Variants in DDAH1 observed in about 807,000 individuals in gnomAD.
DDAH1 encodes dimethylarginine dimethylaminohydrolase 1, also known as N(G),N(G)-dimethylarginine dimethylaminohydrolase 1.
In DDAH1, 19 loss-of-function variants were observed where a neutral mutation model predicts 28.8. That is an observed-to-expected ratio of 0.66 (90% confidence interval 0.46 to 0.97). The LOEUF is 0.97. Among genes scored for constraint, DDAH1 ranks in the 50% least tolerant of loss-of-function variants. The pLI is 0.00. For synonymous variants in DDAH1, 153 were observed against 154.4 expected (o/e 0.99, Z 0.07); for missense variants, 326 against 375.9 (o/e 0.87, Z 1.10).
intron 1 of DDAH1, among the ~76,000 whole-genome samples, chr1:85,414,202 C>T (rs1023480175): frequency 4.6e-5 from 7 of 151,466 alleles, no homozygotes; most frequent in African/African-American, 1.5e-4. Flanking sequence ...AGGGCTATAG[C>T]TCACAACAAA....
chr1:85,448,068 T>A (rs957474562), intron 1 of DDAH1: 1 of 152,294 alleles, frequency 6.6e-6, no homozygotes, highest in Non-Finnish European at 1.5e-5. Context: ...GGGCCACATG[T>A]GGCCTAGGAC....
rs1284420122 is a variant in DDAH1, at chr1:85,565,825, A to G, written c.-123+12159T>C. Among the ~76,000 whole-genome samples the G allele has an allele frequency of 2.0e-5, 3 of 152,146 alleles. No homozygotes were observed. The East Asian group carries it at 5.8e-4, about 29-fold the overall frequency. ...GCTGGGTGAGGTGGCTCACGCCTGTAATCCCAGCACTTTGGGAGGCCAAGG... is the reference window on the plus strand; with the variant it reads ...GCTGGGTGAGGTGGCTCACGCCTGTGATCCCAGCACTTTGGGAGGCCAAGG... On this transcript the variant is annotated intron_variant, in intron 1 of 6. Coordinates refer to the DDAH1 transcript ENST00000426972.
chr1:85,344,547 C>T lies in DDAH1; in HGVS notation c.597+5868G>A, dbSNP rs573601739. On this transcript the variant is annotated intron_variant, in intron 4 of 5. Coordinates refer to ENST00000284031, the MANE Select transcript of DDAH1 (RefSeq NM_012137.4). ...TAAAGGTACCACCTCCCCTGACCTCCCTCCCTCTCTCCCTTCCCTCCCTTC... is the reference window on the plus strand; with the variant it reads ...TAAAGGTACCACCTCCCCTGACCTCTCTCCCTCTCTCCCTTCCCTCCCTTC... Among the ~76,000 whole-genome samples, 139 of 151,184 alleles carry T rather than the reference C, an allele frequency of 9.2e-4. 1 individual carries two copies. The highest frequency in any genetic ancestry group is 1.4e-3 in the Non-Finnish European group (97 of 67,604).
chr1:85,342,577 T>C (rs1648571412), intron 4 of DDAH1, among the ~76,000 whole-genome samples: 1 of 152,242 alleles, frequency 6.6e-6, no homozygotes, highest in Non-Finnish European at 1.5e-5. Context: ...GGTATTATAT[T>C]TCAAGTTTAT....
intron 1 of DDAH1, among the ~76,000 whole-genome samples, chr1:85,536,977 ATATATATAC>A (rs1658305074): frequency 1.7e-5 from 1 of 58,928 alleles, no homozygotes; most frequent in African/African-American, 8.5e-5. Flanking sequence ...ATATATATAT[ATATATATAC>A]GTATATACAT....
chr1:85,526,575 G>A lies in DDAH1; in HGVS notation c.-122-30294C>T, dbSNP rs1259307007. On this transcript the variant is annotated intron_variant, in intron 1 of 6. Coordinates refer to the DDAH1 transcript ENST00000426972. The stretch of plus-strand genomic sequence containing the variant: ...GTGAGACCTTGCACTAGGGTTTTGT[G>A]ATTCTGAGAAAGATGCTGGGTTTGG... Among the ~76,000 whole-genome samples the A allele has an allele frequency of 4.0e-5, 6 of 151,742 alleles. No homozygotes were observed. In the East Asian group the frequency reaches 9.7e-4, roughly 25 times the overall value.
At chr1:85,417,746 T>C (rs1354231110) in intron 1 of DDAH1, among the ~76,000 whole-genome samples, 1 of 152,202 alleles carries the variant, frequency 6.6e-6, no homozygotes, top group African/African-American at 2.4e-5. Flanking sequence ...AATGCCCAAA[T>C]AGTATGTATT....
At chr1:85,520,324 A>G (rs1657637591) in intron 1 of DDAH1, among the ~76,000 whole-genome samples, 1 of 152,238 alleles carries the variant, frequency 6.6e-6, no homozygotes, top group African/African-American at 2.4e-5. Context: ...AGAAATAGAG[A>G]TGCTGACCTA....
At chr1:85,385,032 T>C (rs1348044613) in intron 1 of DDAH1, among the ~76,000 whole-genome samples, 1 of 152,264 alleles carries the variant, frequency 6.6e-6, no homozygotes, top group Non-Finnish European at 1.5e-5. Flanking sequence ...AAGATGAGTC[T>C]GAATCAAAGT....
chr1:85,545,421 G>T (rs1158776957), intron 1 of DDAH1, among the ~76,000 whole-genome samples: 1 of 152,124 alleles, frequency 6.6e-6, no homozygotes, highest in African/African-American at 2.4e-5. Context: ...TAAAGATAAG[G>T]ATCAATTCTT....
intron 1 of DDAH1, among the ~76,000 whole-genome samples, chr1:85,552,005 C>T (rs1658806512): frequency 6.6e-6 from 1 of 152,184 alleles, no homozygotes; most frequent in Admixed American, 6.5e-5. Flanking sequence ...GGCATAGATT[C>T]ACTGGGAAAG....
intron 1 of DDAH1, among the ~76,000 whole-genome samples, chr1:85,429,218 A>G (rs1570531131): frequency 7.7e-6 from 1 of 130,650 alleles, no homozygotes; most frequent in Middle Eastern, 3.8e-3. Context: ...CCCTGTGTCC[A>G]TGTGTTCTCA....
intron 1 of DDAH1, among the ~76,000 whole-genome samples, chr1:85,546,428 T>G (rs1658628667): frequency 6.6e-6 from 1 of 152,204 alleles, no homozygotes; most frequent in South Asian, 2.1e-4. Flanking sequence ...CTAGTAAATT[T>G]CTGTTCATTA....
At chr1:85,485,815 T>C (rs1487821558) in intron 2 of DDAH1, among the ~76,000 whole-genome samples, 1 of 152,124 alleles carries the variant, frequency 6.6e-6, no homozygotes, top group African/African-American at 2.4e-5. Context: ...TCTAAATAGG[T>C]GGGGTTCAAG....
chr1:85,429,444 T>G (rs1440297410), intron 1 of DDAH1, among the ~76,000 whole-genome samples: 2 of 152,240 alleles, frequency 1.3e-5, no homozygotes, highest in African/African-American at 4.8e-5. Context: ...GTTCCAAGTC[T>G]TTGCTATTGT....
intron 4 of DDAH1, among the ~76,000 whole-genome samples, chr1:85,341,852 C>A (rs570270651): frequency 4.3e-4 from 64 of 148,682 alleles, no homozygotes; most frequent in African/African-American, 1.2e-3. Context: ...CAAAAAAAAA[C>A]CCCAGATGTT....
intron 1 of DDAH1, among the ~76,000 whole-genome samples, chr1:85,512,452 C>T (rs1282843626): frequency 6.6e-6 from 1 of 152,168 alleles, no homozygotes; most frequent in African/African-American, 2.4e-5. Context: ...GACAGGGATG[C>T]CCTCTCTCAC....
chr1:85,446,592 G>A (rs910121728), intron 1 of DDAH1, among the ~76,000 whole-genome samples: 11 of 151,984 alleles, frequency 7.2e-5, no homozygotes, highest in Admixed American at 1.3e-4. Flanking sequence ...GCAACATCAC[G>A]CCAAAGACAT....
At chr1:85,575,591 C>G (rs1659579521) in intron 1 of DDAH1, among the ~76,000 whole-genome samples, 1 of 152,228 alleles carries the variant, frequency 6.6e-6, no homozygotes, top group South Asian at 2.1e-4. Context: ...GGGGTTAGCA[C>G]AGCTTCAGGT....
Sources: allele counts gnomAD v4.1 joint callset (sites outside exome capture counted in the v4.1 genomes callset), GRCh38; gene constraint gnomAD v4.1.1; transcripts MANE v1.5; gene names NCBI Gene and HGNC (gene_info 2026-07-23, HGNC 2026-07-21).